Variants in ADAM30 observed in about 807,000 individuals in gnomAD.
The protein encoded by ADAM30 is ADAM metallopeptidase domain 30, also known as disintegrin and metalloproteinase domain-containing protein 30.
For missense variants in ADAM30, 960 were observed against 959.4 expected (o/e 1.00, Z -0.01); for synonymous variants, 382 against 340.9 (o/e 1.12, Z -1.33).
At position 119,894,004 on chromosome 1, in the gene ADAM30, T is replaced by A; in HGVS notation, c.2333A>T (p.Lys778Ile). ...CTTGACACTCTTTGCTTTGGGTCGT[T>A]TACTTTCAATGTTTGCTTTAGATTC... The part of the protein sequence containing the change: ...QEESKANIES[K>I]RPKAKSVKKQ... The change falls in exon 1 of 1, where the codon AAA becomes ATA. Residue 778 changes from lysine (K) to isoleucine (I), a missense_variant. Transcript: ENST00000369400. The A allele has an allele frequency of 1.2e-6, 2 of 1,612,928 alleles. No homozygotes were observed. The highest frequency in any genetic ancestry group is 1.7e-6 in the Non-Finnish European group (2 of 1,179,804).
At position 119,895,825 on chromosome 1, in the gene ADAM30, A is replaced by G; in HGVS notation, c.512T>C (p.Val171Ala). The change falls in exon 1 of 1, where the codon GTT (valine) becomes GCT (alanine). Residue 171 changes from valine to alanine, a missense_variant. By Grantham distance (64) the Val-to-Ala change is moderately conservative. Transcript: ENST00000369400. Reference sequence around the variant, plus strand: ...TATTTCATCATCACTTAAGCCACAAACCTGATTCCCAAACTGCTCTTTCTT... The same window carrying G: ...TATTTCATCATCACTTAAGCCACAAGCCTGATTCCCAAACTGCTCTTTCTT... ...LLKKEQFGNQ[V>A]CGLSDDEIEW... The G allele has an allele frequency of 1.2e-6, 2 of 1,614,104 alleles. No homozygotes were observed. The highest frequency in any genetic ancestry group is 1.7e-6 in the Non-Finnish European group (2 of 1,180,022).
In ADAM30 at chr1:119,896,263, G is replaced by C; in HGVS notation, c.74C>G (p.Ser25Cys). The C allele has an allele frequency of 6.2e-7, 1 of 1,613,378 alleles. No homozygotes were observed. The highest frequency in any genetic ancestry group is 1.1e-5 in the South Asian group (1 of 90,900). The change falls in exon 1 of 1, where the codon TCT becomes TGT. Residue 25 changes from serine to cysteine, a missense_variant. Transcript: ENST00000369400. ...LLLVPTMLLK[S>C]LGEDVIFHPE... Reference sequence around the variant, plus strand: ...GTGAAAAATTACATCTTCGCCAAGAGACTTAAGGAGCATTGTCGGAACTAG... The same window carrying C: ...GTGAAAAATTACATCTTCGCCAAGACACTTAAGGAGCATTGTCGGAACTAG...
Position 119,896,478 on chromosome 1 carries a change from C to T in ADAM30, c.-142G>A, listed in dbSNP as rs1648594099. 1 of 1,340,298 alleles carries T rather than the reference C, an allele frequency of 7.5e-7. No homozygotes were observed. Among genetic ancestry groups the T allele is most frequent in the Non-Finnish European group, 9.8e-7 (1 of 1,021,904 alleles). The allele number at this position is 1,340,298 out of a possible 1,614,324, so 83.0% of individuals were successfully genotyped here. A position where few individuals can be genotyped will look rare whatever the true frequency, so the allele number is the denominator to read the frequency against. The stretch of plus-strand genomic sequence containing the variant: ...GCAGGGTTTCCGGGGGAGCCCGTAG[C>T]CTCCCAGGGCTCGGTCTAGCTGGCG... On this transcript the variant is annotated 5_prime_UTR_variant, in exon 1 of 1. Coordinates refer to ENST00000369400, the MANE Select transcript of ADAM30 (RefSeq NM_021794.4).
chr1:119,896,449 C>G lies in ADAM30; in HGVS notation c.-113G>C, dbSNP rs1648592836. 2 of 1,419,622 alleles carry G rather than the reference C, an allele frequency of 1.4e-6. No homozygotes were observed. The highest frequency in any genetic ancestry group is 3.3e-5 in the South Asian group (2 of 61,206). 87.9% of individuals were successfully genotyped at this position (1,419,622 alleles called of 1,614,324 possible). A position where few individuals can be genotyped will look rare whatever the true frequency, so the allele number is the denominator to read the frequency against. On this transcript the variant is annotated 5_prime_UTR_variant, in exon 1 of 1. Transcript: ENST00000369400. ...GCGCCTGAGCTCAAAACCCGGCTCC[C>G]CTGGCAGGGTTTCCGGGGGAGCCCG...
chr1:119,895,736 G>A lies in ADAM30; in HGVS notation c.601C>T (p.His201Tyr), dbSNP rs1245156195. 1.9e-6 allele frequency: 3 copies of A among 1,613,954 alleles called. No homozygotes were observed. The African/African-American group carries it at 4.0e-5, about 22-fold the overall frequency. The stretch of plus-strand genomic sequence containing the variant: ...AGGATCAATTCCAAGTACTTTGGGT[G>A]TTTATAGGATCCAGGAAAGTCCCTT... ...RLRDFPGSYK[H>Y]PKYLELILLF... Residue 201 changes from histidine (H) to tyrosine (Y), a missense_variant, in exon 1 of 1, where the codon CAC (histidine) becomes TAC (tyrosine). Coordinates refer to ENST00000369400, the MANE Select transcript of ADAM30 (RefSeq NM_021794.4).
At position 119,895,210 on chromosome 1, in the gene ADAM30, A is replaced by T. The variant is rs749563971; in HGVS notation, c.1127T>A (p.Ile376Asn). 2 of 1,614,036 alleles carry T rather than the reference A, an allele frequency of 1.2e-6. No homozygotes were observed. The highest frequency in any genetic ancestry group is 1.7e-6 in the Non-Finnish European group (2 of 1,180,022). Residue 376 changes from isoleucine to asparagine, a missense_variant, in exon 1 of 1, where the codon ATC becomes AAC. Physicochemically the swap from Ile to Asn is moderately radical, Grantham distance 149. Coordinates refer to ENST00000369400, the MANE Select transcript of ADAM30 (RefSeq NM_021794.4). ...CGAAGAGATATGTTTAAAAAAAGAG[A>T]TATAACTGCAATTGCTAAACCCAGT... ...GRTGFSNCSYISFFKHISSGA... is the reference protein window; with the variant it reads ...GRTGFSNCSYNSFFKHISSGA...
Position 119,896,403 on chromosome 1 carries a change from T to A in ADAM30, c.-67A>T. ...GCAACTCTGGCCTCGCGAGTCAGAT[T>A]TCTGGGGGCCGCCGCTAGAGGCGCC... On this transcript the variant is annotated 5_prime_UTR_variant, in exon 1 of 1. Transcript: ENST00000369400. 6.9e-7 allele frequency: 1 copy of A among 1,458,412 alleles called. No individual in the cohort carries two copies. The highest frequency in any genetic ancestry group is 2.4e-5 in the East Asian group (1 of 41,354). The allele number at this position is 1,458,412 out of a possible 1,614,324, so 90.3% of individuals were successfully genotyped here.
At position 119,894,110 on chromosome 1, in the gene ADAM30, C is replaced by G; in HGVS notation, c.2227G>C (p.Glu743Gln). ...EESKTKTVQEESKTKTGQEES... is the reference protein window; with the variant it reads ...EESKTKTVQEQSKTKTGQEES... ...TCCTGTCCAGTTTTTGTTTTAGATT[C>G]TTCCTGTACAGTTTTTGTTTTAGAT... Residue 743 changes from glutamate (E) to glutamine (Q), a missense_variant, in exon 1 of 1, where the codon GAA becomes CAA. Coordinates refer to ENST00000369400, the MANE Select transcript of ADAM30 (RefSeq NM_021794.4). 6.2e-7 allele frequency: 1 copy of G among 1,613,304 alleles called. No individual in the cohort carries two copies. The highest frequency in any genetic ancestry group is 8.5e-7 in the Non-Finnish European group (1 of 1,179,530).
At position 119,894,927 on chromosome 1, in the gene ADAM30, G is replaced by A. The variant is rs752265647; in HGVS notation, c.1410C>T (p.Cys470=). 14 of 1,613,986 alleles carry A rather than the reference G, an allele frequency of 8.7e-6. No individual in the cohort carries two copies. The highest frequency in any genetic ancestry group is 1.1e-5 in the South Asian group (1 of 91,076). ...EGNECDLAEY[C]DGNSSSCPND... ...TTGGGCAGGAACTTGAATTCCCGTC[G>A]CAGTACTCTGCAAGGTCACATTCAT... Residue 470 remains cysteine (C), a synonymous_variant, in exon 1 of 1, where the codon TGC becomes TGT. Coordinates refer to ENST00000369400, the MANE Select transcript of ADAM30 (RefSeq NM_021794.4).
In ADAM30 at chr1:119,895,053, T is replaced by A. The variant is rs1360205688; in HGVS notation, c.1284A>T (p.Gln428His). 2 of 1,614,074 alleles carry A rather than the reference T, an allele frequency of 1.2e-6. No individual in the cohort carries two copies. Among genetic ancestry groups the A allele is most frequent in the Admixed American group, 1.7e-5 (1 of 60,006 alleles). The change falls in exon 1 of 1, where the codon CAA becomes CAT. Residue 428 changes from glutamine (Q) to histidine (H), a missense_variant. Transcript: ENST00000369400. ...CACCTGGTTGCAACTTACAATTTGA[T>A]TGGCAACACCGATCTTTCTGACACT... ...TEECQKDRCC[Q>H]SNCKLQPGAN... is the part of the protein sequence containing the mutation.
In ADAM30 at chr1:119,896,001, G is replaced by T; in HGVS notation, c.336C>A (p.Tyr112Ter). 6.2e-7 allele frequency: 1 copy of T among 1,614,192 alleles called. No homozygotes were observed. The highest frequency in any genetic ancestry group is 8.5e-7 in the Non-Finnish European group (1 of 1,180,044). The change falls in exon 1 of 1, where the codon TAC (tyrosine) becomes TAA (stop). Residue 112 changes from tyrosine to a stop codon, truncating the protein, a stop_gained. Coordinates refer to ENST00000369400, the MANE Select transcript of ADAM30 (RefSeq NM_021794.4). LOFTEE classifies it low-confidence loss of function (END_TRUNC). ...CCAGAGACTCTTTCACGGAGCCCATGTAGTTGCAGTCCTTTGGTATGTAAG... is the reference window on the plus strand; with the variant it reads ...CCAGAGACTCTTTCACGGAGCCCATTTAGTTGCAGTCCTTTGGTATGTAAG... Reference protein sequence around the residue: ...DHPYIPKDCNYMGSVKESLDS... With the variant: ...DHPYIPKDCN
At position 119,894,801 on chromosome 1, in the gene ADAM30, T is replaced by A. The variant is rs759535134; in HGVS notation, c.1536A>T (p.Gly512=). Reference sequence around the variant, plus strand: ...CACTAGGAGCCTCCATGGCATCAGGTCCAAAAATGCTTTGGCACTGCATAT... The same window carrying A: ...CACTAGGAGCCTCCATGGCATCAGGACCAAAAATGCTTTGGCACTGCATAT... The part of the protein sequence containing the change: ...SRYMQCQSIF[G]PDAMEAPSEC... Residue 512 remains glycine, a synonymous_variant, in exon 1 of 1, where the codon GGA becomes GGT. Transcript: ENST00000369400. 1 of 1,614,088 alleles carries A rather than the reference T, an allele frequency of 6.2e-7. No individual in the cohort carries two copies. Among genetic ancestry groups the A allele is most frequent in the Non-Finnish European group, 8.5e-7 (1 of 1,180,040 alleles).
In ADAM30 at chr1:119,895,132, C is replaced by T. The variant is rs1178791896; in HGVS notation, c.1205G>A (p.Cys402Tyr). The T allele has an allele frequency of 3.1e-6, 5 of 1,614,174 alleles. No individual in the cohort carries two copies. The East Asian group carries it at 8.9e-5, about 29-fold the overall frequency. The change falls in exon 1 of 1, where the codon TGT becomes TAT. Residue 402 changes from cysteine to tyrosine, a missense_variant. By Grantham distance (194) the Cys-to-Tyr change is radical. Coordinates refer to ENST00000369400, the MANE Select transcript of ADAM30 (RefSeq NM_021794.4). ...ATTGTCCTCCACAATTTTGTTTCCA[C>T]ATCTCTTAAGCACATAACCTAGTCC... is the stretch of plus-strand genomic sequence containing the variant. Reference protein sequence around the residue: ...IPGLGYVLKRCGNKIVEDNEE... With the variant: ...IPGLGYVLKRYGNKIVEDNEE...
rs764985713 is a variant in ADAM30 at position 119,896,304 on chromosome 1, G to A, written c.33C>T (p.Cys11=). 4 of 1,599,168 alleles carry A rather than the reference G, an allele frequency of 2.5e-6. No homozygotes were observed. The highest frequency in any genetic ancestry group is 1.7e-6 in the Non-Finnish European group (2 of 1,172,266). Residue 11 remains cysteine, a synonymous_variant, in exon 1 of 1, where the codon TGC becomes TGT. Transcript: ENST00000369400. ...TCGGAACTAGTAGAAGGAGCAAACG[G>A]CATTGGGAGAGGAAGATCTGCACTG... MRSVQIFLSQ[C]RLLLLLVPTM... is the part of the protein sequence containing the mutation.
At position 119,894,528 on chromosome 1, in the gene ADAM30, T is replaced by C. The variant is rs1359270215; in HGVS notation, c.1809A>G (p.Leu603=). 6.2e-7 allele frequency: 1 copy of C among 1,614,028 alleles called. No individual in the cohort carries two copies. Residue 603 remains leucine (L), a synonymous_variant, in exon 1 of 1, where the codon CTA becomes CTG. Transcript: ENST00000369400. Reference sequence around the variant, plus strand: ...AGGAGGTGCCATCATTTATCATACCTAGGTCAGGTATTCCCATGGGTTTCA... The same window carrying C: ...AGGAGGTGCCATCATTTATCATACCCAGGTCAGGTATTCCCATGGGTTTCA... ...LSMKPMGIPD[L]GMINDGTSCG... is the part of the protein sequence containing the mutation.
chr1:119,895,709 G>A lies in ADAM30; in HGVS notation c.628C>T (p.Leu210Phe). ...AACCTATACCTACTTTGATCAAAGA[G>A]TAGGATCAATTCCAAGTACTTTGGG... ...KHPKYLELIL[L>F]FDQSRYRFVN... The change falls in exon 1 of 1, where the codon CTC becomes TTC. Residue 210 changes from leucine (L) to phenylalanine (F), a missense_variant. Transcript: ENST00000369400. 5.0e-6 allele frequency: 8 copies of A among 1,614,146 alleles called. No homozygotes were observed. Among genetic ancestry groups the A allele is most frequent in the Non-Finnish European group, 6.8e-6 (8 of 1,180,042 alleles).
At position 119,894,429 on chromosome 1, in the gene ADAM30, C is replaced by T. The variant is rs1445031397; in HGVS notation, c.1908G>A (p.Glu636=). ...TGCAAACACCCCGGGTATTGCATTTCTCAGGCAAACAGTCAAACTGCAGGA... is the reference window on the plus strand; with the variant it reads ...TGCAAACACCCCGGGTATTGCATTTTTCAGGCAAACAGTCAAACTGCAGGA... ...SSVLQFDCLP[E]KCNTRGVCNN... Residue 636 remains glutamate (E), a synonymous_variant, in exon 1 of 1, where the codon GAG becomes GAA. Transcript: ENST00000369400. 6.2e-7 allele frequency: 1 copy of T among 1,614,170 alleles called. No homozygotes were observed. Among genetic ancestry groups the T allele is most frequent in the South Asian group, 1.1e-5 (1 of 91,084 alleles).
Position 119,893,917 on chromosome 1 carries a change from G to A in ADAM30, c.*47C>T. ...AAAGCCTTTGGATAAATGATTAGCTGGTTAAATAAATGAGCCTGTGTTACT... is the reference window on the plus strand; with the variant it reads ...AAAGCCTTTGGATAAATGATTAGCTAGTTAAATAAATGAGCCTGTGTTACT... On this transcript the variant is annotated 3_prime_UTR_variant, in exon 1 of 1. Transcript: ENST00000369400. 1 of 1,552,734 alleles carries A rather than the reference G, an allele frequency of 6.4e-7. No homozygotes were observed.
In ADAM30 at chr1:119,894,063, T is replaced by C. The variant is rs768071118; in HGVS notation, c.2274A>G (p.Gly758=). 11 of 1,613,984 alleles carry C rather than the reference T, an allele frequency of 6.8e-6. No individual in the cohort carries two copies. Among genetic ancestry groups the C allele is most frequent in the Non-Finnish European group, 3.4e-6 (4 of 1,179,960 alleles). ...CAGTTTTTGCTTTAGATTCTTCCTG[T>C]CCAGTTTTTGCTTCAGATTCTTCCT... is the stretch of plus-strand genomic sequence containing the variant. ...TGQEESEAKT[G]QEESKAKTGQ... The change falls in exon 1 of 1, where the codon GGA becomes GGG. Residue 758 remains glycine, a synonymous_variant. Coordinates refer to ENST00000369400, the MANE Select transcript of ADAM30 (RefSeq NM_021794.4).
Sources: gnomAD v4.1 joint callset for allele counts on GRCh38, gnomAD v4.1.1 for gene constraint, MANE v1.5 for transcripts, NCBI Gene and HGNC (gene_info 2026-07-23, HGNC 2026-07-21) for gene names.